The following PDZD2 variants were observed in gnomAD, a reference collection of about 807,000 sequenced individuals.
The protein encoded by PDZD2 is PDZ domain containing 2.
PDZD2 carries 90 observed loss-of-function variants against 220.7 expected under a neutral mutation model. That is an observed-to-expected ratio of 0.41 (90% CI 0.34 to 0.49). The LOEUF is 0.49. Ranked by LOEUF, PDZD2 falls within the 20% of genes least tolerant of loss-of-function variation. PDZD2 has a pLI of 0.28. For missense variants in PDZD2, 3,174 were observed against 3,608.5 expected (o/e 0.88, Z 3.08); for synonymous variants, 1,375 against 1,450.5 (o/e 0.95, Z 1.18).
intron 2 of PDZD2, among the ~76,000 whole-genome samples, chr5:31,888,407 G>C (rs183342662): frequency 1.8e-4 from 27 of 152,292 alleles, no homozygotes; most frequent in Non-Finnish European, 3.2e-4. Flanking sequence ...GGCCAGGCTG[G>C]TCTCAAACTC....
intron 1 of PDZD2, among the ~76,000 whole-genome samples, chr5:31,739,783 G>T (rs766558778): frequency 3.9e-5 from 6 of 152,156 alleles, no homozygotes; most frequent in Non-Finnish European, 5.9e-5. Flanking sequence ...GAAGTCAGAA[G>T]GAGCCAAATC....
chr5:32,058,673 T>G, intron 12 of PDZD2, among the ~76,000 whole-genome samples: 1 of 55,678 alleles, frequency 1.8e-5, no homozygotes, highest in Admixed American at 1.8e-4. Context: ...AAACTCCGTC[T>G]CAAAAAAAAA....
chr5:31,748,086 G>T (rs926191180), intron 1 of PDZD2: 1 of 152,222 alleles, frequency 6.6e-6, no homozygotes, highest in Non-Finnish European at 1.5e-5. Context: ...TGCCAGCAAA[G>T]GTACATTCTG....
intron 1 of PDZD2, chr5:31,657,344 C>A (rs61740846): frequency 0.056 from 8,465 of 152,264 alleles, 301 homozygotes; most frequent in East Asian, 0.15. Context: ...CAGTGGATGG[C>A]GGACAGGTGT....
chr5:32,066,367 A>G (rs1181581935), intron 14 of PDZD2, among the ~76,000 whole-genome samples: 4 of 152,012 alleles, frequency 2.6e-5, no homozygotes, highest in Non-Finnish European at 5.9e-5. Context: ...CAGTCACTCA[A>G]TCCAATCAAA....
intron 1 of PDZD2, among the ~76,000 whole-genome samples, chr5:31,793,451 T>C (rs879260649): frequency 2.6e-5 from 4 of 152,192 alleles, no homozygotes; most frequent in Non-Finnish European, 5.9e-5. Flanking sequence ...TGTGGCTCAG[T>C]GTCTCACTTC....
chr5:31,862,021 T>C (rs1384217427), intron 2 of PDZD2, among the ~76,000 whole-genome samples: 1 of 151,702 alleles, frequency 6.6e-6, no homozygotes, highest in Admixed American at 6.6e-5. Context: ...ATCTGTGATA[T>C]ACAATTGGTA....
At chr5:31,872,768 C>G (rs1279289236) in intron 2 of PDZD2, among the ~76,000 whole-genome samples, 1 of 151,856 alleles carries the variant, frequency 6.6e-6, no homozygotes, top group Non-Finnish European at 1.5e-5. Flanking sequence ...AGACATATAT[C>G]TACATACGTG....
intron 3 of PDZD2, among the ~76,000 whole-genome samples, chr5:31,989,433 T>G (rs925064875): frequency 2.5e-4 from 37 of 148,508 alleles, no homozygotes; most frequent in African/African-American, 9.3e-4. Context: ...TTTTTTTTTT[T>G]TTTTTTTGAG....
At chr5:32,026,531 A>G (rs1026890741) in intron 6 of PDZD2, among the ~76,000 whole-genome samples, 2 of 152,026 alleles carry the variant, frequency 1.3e-5, no homozygotes, top group Admixed American at 6.5e-5. Context: ...TCCTGTATGC[A>G]TGTGTATGCG....
At chr5:32,051,303 T>C (rs1023803798) in intron 8 of PDZD2, among the ~76,000 whole-genome samples, 1 of 152,212 alleles carries the variant, frequency 6.6e-6, no homozygotes, top group Non-Finnish European at 1.5e-5. Flanking sequence ...TCATTTTTTT[T>C]AATGATTGAA....
intron 5 of PDZD2, among the ~76,000 whole-genome samples, chr5:32,007,214 G>A (rs1466148367): frequency 2.0e-5 from 3 of 150,974 alleles, no homozygotes; most frequent in Admixed American, 1.3e-4. Flanking sequence ...CACCGCGCCC[G>A]GCCTGCCATG....
At chr5:32,062,313 T>C (rs530805817) in intron 14 of PDZD2, among the ~76,000 whole-genome samples, 96 of 152,238 alleles carry the variant, frequency 6.3e-4, no homozygotes, top group Non-Finnish European at 1.2e-3. Flanking sequence ...AAATAAACTA[T>C]AATGGAAAAG....
At chr5:31,823,009 A>G (rs1484558008) in intron 2 of PDZD2, 3 of 1,193,080 alleles carry the variant, frequency 2.5e-6, no homozygotes, top group Non-Finnish European at 3.6e-6. Flanking sequence ...ACTGAGTTCT[A>G]CGTTGATGTG....
intron 1 of PDZD2, among the ~76,000 whole-genome samples, chr5:31,779,372 T>TG (rs1561453377): frequency 6.4e-5 from 8 of 125,304 alleles, no homozygotes; most frequent in Non-Finnish European, 1.4e-4. Context: ...ATTGTGAATC[T>TG]CTTTTTTTTT....
At chr5:31,667,935 C>T (rs1160954800) in intron 1 of PDZD2, among the ~76,000 whole-genome samples, 1 of 137,700 alleles carries the variant, frequency 7.3e-6, no homozygotes, top group Non-Finnish European at 1.5e-5. Flanking sequence ...GATTTCGGCT[C>T]ACTGCAACCT....
At chr5:31,824,684 G>GAA (rs61458710) in intron 2 of PDZD2, among the ~76,000 whole-genome samples, 16 of 140,224 alleles carry the variant, frequency 1.1e-4, no homozygotes, top group Admixed American at 2.2e-4. Context: ...TGTCTAACCT[G>GAA]AAAAAAAAAA....
chr5:31,923,633 G>C, intron 2 of PDZD2: 1 of 715,650 alleles, frequency 1.4e-6, no homozygotes, highest in Non-Finnish European at 2.6e-6. Flanking sequence ...TCAGTCACTA[G>C]TTGGATGGCA....
intron 3 of PDZD2, among the ~76,000 whole-genome samples, chr5:31,995,109 G>A (rs1342174953): frequency 2.6e-5 from 4 of 152,148 alleles, no homozygotes; most frequent in African/African-American, 9.7e-5. Context: ...AAGGCCCCCA[G>A]AAATAGCCAG....
Sources: allele counts gnomAD v4.1 joint callset (sites outside exome capture counted in the v4.1 genomes callset), GRCh38; gene constraint gnomAD v4.1.1; transcripts MANE v1.5; gene names NCBI Gene and HGNC (gene_info 2026-07-23, HGNC 2026-07-21).